FDFT1: variants seen among roughly 807,000 people sequenced by gnomAD.
The protein encoded by FDFT1 is farnesyl-diphosphate farnesyltransferase 1.
A neutral mutation model predicts 46.8 loss-of-function variants in FDFT1; 68 were observed. That is an observed-to-expected ratio of 1.45 (90% confidence interval 1.19 to 1.78). The LOEUF (loss-of-function observed/expected upper bound fraction) is 1.78. Ranked by LOEUF, FDFT1 falls within the 40% of genes most tolerant of loss-of-function variation. The pLI, the probability that FDFT1 is intolerant of heterozygous loss-of-function variation, is 0.00. For missense variants in FDFT1, 928 were observed against 524.4 expected (o/e 1.77, Z -7.52); for synonymous variants, 351 against 185.1 (o/e 1.90, Z -7.28).
At chr8:11,798,776 G>A (rs182457508), upstream of FDFT1, among the ~76,000 whole-genome samples, 8 of 152,322 alleles carry the variant, frequency 5.3e-5, no homozygotes, top group Admixed American at 5.2e-4. Flanking sequence ...TATGTGCTGG[G>A]CACTATTCCA....
intron 7 of FDFT1, among the ~76,000 whole-genome samples, chr8:11,833,826 G>A (rs1022804255): frequency 1.3e-5 from 2 of 152,184 alleles, no homozygotes; most frequent in Non-Finnish European, 2.9e-5. Context: ...TAGGGTATCA[G>A]TTGTTCTGTT....
At chr8:11,801,720 G>C (rs1351297810), upstream of FDFT1, 2 of 311,340 alleles carry the variant, frequency 6.4e-6, no homozygotes, top group Non-Finnish European at 1.2e-5. Flanking sequence ...TGGAGACGTA[G>C]TCTTGCTCTG....
At chr8:11,818,699 T>TC (rs757777223) in intron 3 of FDFT1, among the ~76,000 whole-genome samples, 7 of 152,052 alleles carry the variant, frequency 4.6e-5, no homozygotes, top group Non-Finnish European at 8.8e-5. Flanking sequence ...CTTTTTTTTT[T>TC]CGCTTGGTAG....
chr8:11,809,017 A>G lies in FDFT1; in HGVS notation c.197+126A>G, dbSNP rs754586692. The G allele has an allele frequency of 7.7e-6, 11 of 1,429,488 alleles. No individual in the cohort carries two copies. In the African/African-American group the frequency reaches 1.3e-4, roughly 17 times the overall value. The allele number at this position is 1,429,488 out of a possible 1,614,324, so 88.6% of individuals were successfully genotyped here. ...CTCGTTGCTGTGGCTTATCCAGAAC[A>G]TAGCCCGGCCCTACGTGTTTACTTT... On this transcript the variant is annotated intron_variant, in intron 2 of 7. Coordinates refer to ENST00000220584, the MANE Select transcript of FDFT1 (RefSeq NM_004462.5).
rs370875302 is a variant in FDFT1 at position 11,830,276 on chromosome 8, T to C, written c.735T>C (p.Asp245=). The change falls in exon 6 of 8, where the codon GAT becomes GAC. Residue 245 remains aspartate, a synonymous_variant. Transcript: ENST00000220584. ...GCAGGTATGTTAAGAAGTTAGGGGA[T>C]TTTGCTAAGCCGGAGAATATTGACT... The part of the protein sequence containing the change: ...VWSRYVKKLG[D]FAKPENIDLA... 7 of 1,613,910 alleles carry C rather than the reference T, an allele frequency of 4.3e-6. No individual in the cohort carries two copies. The highest frequency in any genetic ancestry group is 5.1e-6 in the Non-Finnish European group (6 of 1,179,916).
At chr8:11,805,005 C>T (rs1261628637) in intron 1 of FDFT1, among the ~76,000 whole-genome samples, 1 of 146,470 alleles carries the variant, frequency 6.8e-6, no homozygotes, top group Non-Finnish European at 1.5e-5. Context: ...ACTTCCTTGG[C>T]TGAAGCCATC....
In FDFT1 at chr8:11,831,687, C is replaced by G. The variant is rs564223244; in HGVS notation, c.1032+17C>G. 4.4e-6 allele frequency: 7 copies of G among 1,598,368 alleles called. No individual in the cohort carries two copies. The East Asian group carries it at 8.9e-5, about 20-fold the overall frequency. On this transcript the variant is annotated intron_variant, in intron 7 of 7. Transcript: ENST00000220584. ...ATGGAAGAGGTGGGTTTTTATTTAA[C>G]TACTTGGATAATTTGTAGCTACTTT...
chr8:11,803,204 C>A, intron 1 of FDFT1: 1 of 1,412,634 alleles, frequency 7.1e-7, no homozygotes, highest in East Asian at 3.0e-5. Flanking sequence ...TTCGTCCCCT[C>A]CGTGAGCATC....
rs540916846 is a variant in FDFT1, at chr8:11,830,215, C to G, written c.703-29C>G. 5 of 1,577,640 alleles carry G rather than the reference C, an allele frequency of 3.2e-6. No homozygotes were observed. The African/African-American group carries it at 4.0e-5, about 13-fold the overall frequency. On this transcript the variant is annotated intron_variant, in intron 5 of 7. Coordinates refer to ENST00000220584, the MANE Select transcript of FDFT1 (RefSeq NM_004462.5). ...AAATTCTCCCCTATGCACACGCTGA[C>G]CTGTTCCTTAATCTTCTTATCTGTC... is the stretch of plus-strand genomic sequence containing the variant.
chr8:11,796,996 G>C lies in FDFT1; in HGVS notation c.-94+985G>C, dbSNP rs1025796944. ...GATCTATATCTACTTTTAATTGCAC[G>C]CAGATTAAAGGACAGTTTCTGAAGA... On this transcript the variant is annotated intron_variant, in intron 1 of 7. Coordinates refer to the FDFT1 transcript ENST00000538689. Among the ~76,000 whole-genome samples the C allele has an allele frequency of 2.6e-5, 4 of 152,344 alleles. No individual in the cohort carries two copies. The South Asian group carries it at 8.3e-4, about 32-fold the overall frequency.
intron 3 of FDFT1, among the ~76,000 whole-genome samples, chr8:11,820,442 C>T (rs1448689273): frequency 6.6e-6 from 1 of 151,972 alleles, no homozygotes; most frequent in Non-Finnish European, 1.5e-5. Flanking sequence ...TTTAGATATG[C>T]CCTGCCCCCA....
chr8:11,814,614 TAAAAC>T (rs970291707), intron 3 of FDFT1, among the ~76,000 whole-genome samples: 3 of 152,334 alleles, frequency 2.0e-5, no homozygotes, highest in Non-Finnish European at 2.9e-5. Context: ...TCTTTGAACT[TAAAAC>T]AAGATATTTG....
rs901471342 is a variant in FDFT1 at position 11,803,424 on chromosome 8, C to T, written c.99+493C>T. The T allele has an allele frequency of 7.8e-6, 10 of 1,288,036 alleles. No homozygotes were observed. The African/African-American group carries it at 1.4e-4, about 18-fold the overall frequency. 79.8% of individuals were successfully genotyped at this position (1,288,036 alleles called of 1,614,324 possible). ...CCTTGCTGCCTTCCATCGCTTCATC[C>T]TCGGTGCTTCCTGAGTTTTAAAATC... On this transcript the variant is annotated intron_variant, in intron 1 of 7. Coordinates refer to ENST00000220584, the MANE Select transcript of FDFT1 (RefSeq NM_004462.5).
intron 3 of FDFT1, among the ~76,000 whole-genome samples, chr8:11,812,422 A>G (rs1807852065): frequency 6.6e-6 from 1 of 152,122 alleles, no homozygotes; most frequent in Non-Finnish European, 1.5e-5. Context: ...ATCCTCTCAA[A>G]TGAATGTGAG....
At chr8:11,803,391 T>A (rs1384575498) in intron 1 of FDFT1, 4 of 1,289,492 alleles carry the variant, frequency 3.1e-6, no homozygotes, top group Non-Finnish European at 4.0e-6. Flanking sequence ...CTTCCGGAGC[T>A]CTCCCCGCCT....
intron 4 of FDFT1, among the ~76,000 whole-genome samples, chr8:11,824,321 A>C (rs1809665827): frequency 1.3e-5 from 2 of 152,234 alleles, no homozygotes; most frequent in African/African-American, 2.4e-5. Context: ...TGTCGCGGAA[A>C]AAAAAAGTAT....
chr8:11,798,667 C>T (rs765189909), upstream of FDFT1, among the ~76,000 whole-genome samples: 3 of 152,120 alleles, frequency 2.0e-5, no homozygotes, highest in African/African-American at 4.8e-5. Context: ...AGAATGGGCA[C>T]GTTAACTAAC....
chr8:11,800,967 G>A (rs1306643208), upstream of FDFT1, among the ~76,000 whole-genome samples: 1 of 152,142 alleles, frequency 6.6e-6, no homozygotes, highest in African/African-American at 2.4e-5. Context: ...GAAACACTCT[G>A]TAATCTAATA....
intron 3 of FDFT1, among the ~76,000 whole-genome samples, chr8:11,817,774 C>G (rs1199653049): frequency 6.6e-6 from 1 of 151,308 alleles, no homozygotes; most frequent in Admixed American, 6.6e-5. Flanking sequence ...TGCTAGCGGT[C>G]TATCAATTTT....
Sources: allele counts gnomAD v4.1 joint callset (sites outside exome capture counted in the v4.1 genomes callset), GRCh38; gene constraint gnomAD v4.1.1; transcripts MANE v1.5; gene names NCBI Gene and HGNC (gene_info 2026-07-23, HGNC 2026-07-21).